VOPP1: variants seen among roughly 807,000 people sequenced by gnomAD.
The protein encoded by VOPP1 is VOPP1 WW domain binding protein, also known as WW domain binding protein VOPP1.
In VOPP1, 8 loss-of-function variants were observed where a neutral mutation model predicts 23.5. That is an observed-to-expected ratio of 0.34 (90% CI 0.20 to 0.61). VOPP1 has a LOEUF of 0.61. Among genes scored for constraint, VOPP1 ranks in the 20% least tolerant of loss-of-function variants. The pLI is 0.78. For synonymous variants in VOPP1, 83 were observed against 97.3 expected (o/e 0.85, Z 0.86); for missense variants, 174 against 238.1 (o/e 0.73, Z 1.77).
chr7:55,489,350 C>G (rs916527741), intron 4 of VOPP1, among the ~76,000 whole-genome samples: 3 of 152,172 alleles, frequency 2.0e-5, no homozygotes, highest in Non-Finnish European at 2.9e-5. Flanking sequence ...AGAGAAGATG[C>G]GCTGGGACCA....
chr7:55,484,227 G>A (rs1792959028), intron 4 of VOPP1, among the ~76,000 whole-genome samples: 1 of 152,130 alleles, frequency 6.6e-6, no homozygotes, highest in South Asian at 2.1e-4. Flanking sequence ...ATCTTTGAAA[G>A]TGGTTTAGAA....
chr7:55,443,644 C>CTT lies in VOPP1; in HGVS notation n.418-7472_418-7471dup, dbSNP rs550168169. 1.7e-3 allele frequency among the ~76,000 whole-genome samples: 230 copies of CTT among 133,772 alleles called. 6 individuals carry two copies. Among genetic ancestry groups the CTT allele is most frequent in the Middle Eastern group, 8.1e-3 (2 of 248 alleles). 87.8% of individuals were successfully genotyped at this position (133,772 alleles called of 152,430 possible). A position where few individuals can be genotyped will look rare whatever the true frequency, so the allele number is the denominator to read the frequency against. ...TAAAGATATGAAGGAATTATTGTCCCTTTTTTTTTTTTTTTTTGAGACGGA... is the reference window on the plus strand; with the variant it reads ...TAAAGATATGAAGGAATTATTGTCCCTTTTTTTTTTTTTTTTTTTGAGACGGA... On this transcript the variant is annotated intron_variant and non_coding_transcript_variant, in intron 4 of 4. Coordinates refer to the VOPP1 transcript ENST00000462326.
chr7:55,474,246 T>C (rs1792064619), intron 4 of VOPP1, among the ~76,000 whole-genome samples: 1 of 152,234 alleles, frequency 6.6e-6, no homozygotes, highest in Admixed American at 6.5e-5. Context: ...CTGATGCATC[T>C]CACCCGCTGC....
At chr7:55,499,077 C>T (rs1241602044) in intron 2 of VOPP1, among the ~76,000 whole-genome samples, 1 of 152,158 alleles carries the variant, frequency 6.6e-6, no homozygotes, top group Admixed American at 6.5e-5. Flanking sequence ...TGAATCCCTA[C>T]CCAGTACCCA....
intron 1 of VOPP1, chr7:55,571,639 C>G (rs954954175): frequency 6.6e-6 from 1 of 152,288 alleles, no homozygotes; most frequent in Non-Finnish European, 1.5e-5. Flanking sequence ...AGCCGCTCAA[C>G]AAGTTCCCCG....
At chr7:55,562,179 G>A in intron 1 of VOPP1, 1 of 679,086 alleles carries the variant, frequency 1.5e-6, no homozygotes, top group Non-Finnish European at 2.7e-6. Flanking sequence ...AGCTTTCCAA[G>A]GGCGCTCCTC....
chr7:55,477,470 C>A (rs1792351448), intron 4 of VOPP1, among the ~76,000 whole-genome samples: 1 of 152,198 alleles, frequency 6.6e-6, no homozygotes, highest in Non-Finnish European at 1.5e-5. Flanking sequence ...ACTGGCTGCC[C>A]CACTCAGCAA....
chr7:55,462,654 TA>T (rs372031603), intron 4 of VOPP1, among the ~76,000 whole-genome samples: 1 of 129,038 alleles, frequency 7.7e-6, no homozygotes, highest in Non-Finnish European at 1.6e-5. Flanking sequence ...CTCTTGATTA[TA>T]TTTTTTTTTT....
At chr7:55,438,528 GTC>G (rs1267546200) in intron 4 of VOPP1, among the ~76,000 whole-genome samples, 7 of 152,198 alleles carry the variant, frequency 4.6e-5, no homozygotes, top group Non-Finnish European at 7.3e-5. Context: ...TGACACCAAA[GTC>G]AACACTCGGA....
At chr7:55,553,648 CT>C (rs1044257900) in intron 1 of VOPP1, among the ~76,000 whole-genome samples, 6 of 151,790 alleles carry the variant, frequency 4.0e-5, no homozygotes, top group African/African-American at 1.5e-4. Flanking sequence ...CACCCCACCC[CT>C]ACCACACAAA....
chr7:55,528,752 C>T (rs1796328477), intron 1 of VOPP1, among the ~76,000 whole-genome samples: 1 of 151,356 alleles, frequency 6.6e-6, no homozygotes, highest in Non-Finnish European at 1.5e-5. Context: ...CATTCTCCAG[C>T]TAGGAATGAA....
chr7:55,442,454 C>T (rs963932468), intron 4 of VOPP1, among the ~76,000 whole-genome samples: 4 of 152,120 alleles, frequency 2.6e-5, no homozygotes, highest in Non-Finnish European at 5.9e-5. Flanking sequence ...GCTATATATT[C>T]GTGTCTTATA....
intron 4 of VOPP1, among the ~76,000 whole-genome samples, chr7:55,436,443 G>C (rs1320667155): frequency 3.3e-5 from 5 of 152,216 alleles, no homozygotes; most frequent in Non-Finnish European, 4.4e-5. Context: ...TGATGGGGCA[G>C]GTGAAGGTGC....
intron 1 of VOPP1, among the ~76,000 whole-genome samples, chr7:55,567,750 G>A (rs544709425): frequency 4.6e-5 from 7 of 152,252 alleles, no homozygotes; most frequent in Non-Finnish European, 1.0e-4. Flanking sequence ...GGCCTCCCGT[G>A]GAGTTTCCAG....
At chr7:55,505,682 G>T (rs1794675896) in intron 2 of VOPP1, among the ~76,000 whole-genome samples, 1 of 129,406 alleles carries the variant, frequency 7.7e-6, no homozygotes, top group African/African-American at 3.1e-5. Flanking sequence ...AGGGAGGGAG[G>T]GAGGGAGGGA....
chr7:55,473,788 G>C (rs1792025183), intron 4 of VOPP1, among the ~76,000 whole-genome samples: 1 of 152,244 alleles, frequency 6.6e-6, no homozygotes, highest in Non-Finnish European at 1.5e-5. Flanking sequence ...AAAGTGCTGG[G>C]TGTTCCCTGG....
At chr7:55,456,081 T>C (rs1369419921) in intron 4 of VOPP1, among the ~76,000 whole-genome samples, 2 of 152,086 alleles carry the variant, frequency 1.3e-5, no homozygotes, top group Non-Finnish European at 1.5e-5. Flanking sequence ...ATCCAGAATC[T>C]ACAAAGAACT....
At chr7:55,512,072 C>A (rs1208741260) in intron 2 of VOPP1, among the ~76,000 whole-genome samples, 1 of 152,176 alleles carries the variant, frequency 6.6e-6, no homozygotes, top group East Asian at 1.9e-4. Flanking sequence ...CTGCTACTAT[C>A]AAAAAGCATG....
chr7:55,463,375 T>C (rs79144882), intron 4 of VOPP1, among the ~76,000 whole-genome samples: 1,831 of 152,374 alleles, frequency 0.012, 13 homozygotes, highest in Admixed American at 0.021. Context: ...TACACTCATA[T>C]TTGTGCATCT....
Sources: gnomAD v4.1 joint callset for allele counts (sites outside exome capture counted in the v4.1 genomes callset) on GRCh38, gnomAD v4.1.1 for gene constraint, MANE v1.5 for transcripts, NCBI Gene and HGNC (gene_info 2026-07-23, HGNC 2026-07-21) for gene names.